CDH12: variants seen among roughly 807,000 people sequenced by gnomAD.
CDH12 encodes the protein cadherin 12.
Under a neutral mutation model 74.1 loss-of-function variants are expected in CDH12, and 41 were observed. The observed-to-expected ratio is 0.55, with a 90% CI of 0.43 to 0.72. The LOEUF (loss-of-function observed/expected upper bound fraction) is 0.72. Among genes scored for constraint, CDH12 ranks in the 30% least tolerant of loss-of-function variants. The pLI, the probability that CDH12 is intolerant of heterozygous loss-of-function variation, is 0.00. For missense variants in CDH12, 945 were observed against 977.2 expected, an observed-to-expected ratio of 0.97 and a Z score of 0.44; for synonymous variants, 399 against 355.0, an observed-to-expected ratio of 1.12 and a Z score of -1.39.
intron 3 of CDH12, among the ~76,000 whole-genome samples, chr5:22,390,771 A>G (rs1197989669): frequency 6.6e-6 from 1 of 152,208 alleles, no homozygotes; most frequent in African/African-American, 2.4e-5. Flanking sequence ...AACTTGCATG[A>G]AAAACATCAC....
At position 22,493,287 on chromosome 5, in the gene CDH12, A is replaced by C. The variant is rs558167781; in HGVS notation, c.-428+11983T>G. Among the ~76,000 whole-genome samples the C allele has an allele frequency of 2.0e-5, 3 of 152,294 alleles. No homozygotes were observed. The South Asian group carries it at 6.2e-4, about 32-fold the overall frequency. On this transcript the variant is annotated intron_variant, in intron 2 of 14. Transcript: ENST00000382254. The stretch of plus-strand genomic sequence containing the variant: ...TATTAGTCCTTAATCATATCTTATA[A>C]ATTAATAATTCATTTGTTGATTTTC...
At chr5:22,558,051 G>A (rs1580763371) in intron 1 of CDH12, among the ~76,000 whole-genome samples, 1 of 152,014 alleles carries the variant, frequency 6.6e-6, no homozygotes. Context: ...ATCATGGGGA[G>A]AATAAAGAAG....
chr5:21,796,721 G>A (rs1365509992), intron 10 of CDH12, among the ~76,000 whole-genome samples: 1 of 151,580 alleles, frequency 6.6e-6, no homozygotes, highest in Non-Finnish European at 1.5e-5. Context: ...TATACGTTTG[G>A]AACAAAAGAA....
chr5:22,607,723 T>C (rs1249994509), intron 1 of CDH12, among the ~76,000 whole-genome samples: 1 of 152,110 alleles, frequency 6.6e-6, no homozygotes, highest in Non-Finnish European at 1.5e-5. Flanking sequence ...CAGGACCTTC[T>C]GCTGTGTGCA....
At chr5:22,212,850 G>T (rs1344661439) in intron 3 of CDH12, 2 of 152,470 alleles carry the variant, frequency 1.3e-5, no homozygotes, top group East Asian at 1.9e-4. Context: ...CACGCCGAGG[G>T]TTGGTGGGTC....
At chr5:22,292,568 C>T (rs1216317912) in intron 3 of CDH12, among the ~76,000 whole-genome samples, 1 of 151,692 alleles carries the variant, frequency 6.6e-6, no homozygotes, top group Non-Finnish European at 1.5e-5. Flanking sequence ...AACAAACAAA[C>T]AAAACAAATT....
intron 3 of CDH12, among the ~76,000 whole-genome samples, chr5:22,224,626 C>T (rs1458874161): frequency 6.6e-6 from 1 of 152,002 alleles, no homozygotes; most frequent in African/African-American, 2.4e-5. Flanking sequence ...CTTTGTGAGT[C>T]ATATAAAAAC....
At chr5:22,236,637 C>G (rs911527042) in intron 3 of CDH12, among the ~76,000 whole-genome samples, 1 of 152,096 alleles carries the variant, frequency 6.6e-6, no homozygotes, top group Non-Finnish European at 1.5e-5. Context: ...TTCCCAACTA[C>G]TTGGGAGGCT....
chr5:22,007,199 A>T (rs1242085761), intron 5 of CDH12, among the ~76,000 whole-genome samples: 2 of 152,192 alleles, frequency 1.3e-5, no homozygotes, highest in Non-Finnish European at 2.9e-5. Flanking sequence ...TCCTGGACTT[A>T]TCTTCTCGTG....
chr5:22,526,926 C>A (rs949099059), intron 1 of CDH12, among the ~76,000 whole-genome samples: 1 of 152,102 alleles, frequency 6.6e-6, no homozygotes, highest in Admixed American at 6.6e-5. Context: ...CATTTCCCAC[C>A]TGGGGAAATT....
intron 1 of CDH12, among the ~76,000 whole-genome samples, chr5:22,540,572 T>G (rs1212734436): frequency 6.6e-6 from 1 of 152,188 alleles, no homozygotes; most frequent in Non-Finnish European, 1.5e-5. Flanking sequence ...ATTCCAAGAC[T>G]ATATTACTTT....
intron 3 of CDH12, among the ~76,000 whole-genome samples, chr5:22,375,302 A>G (rs1320650832): frequency 6.6e-6 from 1 of 152,156 alleles, no homozygotes; most frequent in Non-Finnish European, 1.5e-5. Context: ...TTCAATATAT[A>G]TTGAAGACTT....
intron 3 of CDH12, among the ~76,000 whole-genome samples, chr5:22,355,186 C>T (rs143882373): frequency 1.3e-5 from 2 of 152,096 alleles, no homozygotes; most frequent in African/African-American, 4.8e-5. Context: ...CATTACTAAA[C>T]AAATTTGCTC....
chr5:22,052,969 T>C (rs1219756366), intron 5 of CDH12, among the ~76,000 whole-genome samples: 1 of 152,098 alleles, frequency 6.6e-6, no homozygotes, highest in Non-Finnish European at 1.5e-5. Flanking sequence ...AACTACATTT[T>C]AAAAGAGATG....
intron 1 of CDH12, among the ~76,000 whole-genome samples, chr5:22,730,211 C>A (rs1313792845): frequency 6.6e-6 from 1 of 151,506 alleles, no homozygotes; most frequent in Admixed American, 6.6e-5. Flanking sequence ...ACAACAAAAA[C>A]CCAGCAATGA....
intron 1 of CDH12, among the ~76,000 whole-genome samples, chr5:22,586,041 G>A (rs980147178): frequency 6.6e-6 from 1 of 152,084 alleles, no homozygotes; most frequent in Non-Finnish European, 1.5e-5. Flanking sequence ...ACATGCACAC[G>A]TATGTTTATT....
intron 3 of CDH12, among the ~76,000 whole-genome samples, chr5:22,352,712 G>A (rs1254395320): frequency 3.9e-5 from 6 of 152,182 alleles, no homozygotes; most frequent in Admixed American, 3.3e-4. Flanking sequence ...TAGAAACACT[G>A]GAGGTGGAGC....
intron 1 of CDH12, among the ~76,000 whole-genome samples, chr5:22,678,050 G>GC (rs1554058355): frequency 6.6e-6 from 1 of 151,308 alleles, no homozygotes; most frequent in Non-Finnish European, 1.5e-5. Context: ...CTCATGGGGG[G>GC]GGGGGTTAGG....
intron 11 of CDH12, among the ~76,000 whole-genome samples, chr5:21,775,228 G>T (rs748859180): frequency 2.0e-5 from 3 of 152,282 alleles, no homozygotes; most frequent in Non-Finnish European, 1.5e-5. Flanking sequence ...ACACCACAAA[G>T]AATCCACACC....
Sources: gnomAD v4.1 joint callset for allele counts (sites outside exome capture counted in the v4.1 genomes callset) on GRCh38, gnomAD v4.1.1 for gene constraint, MANE v1.5 for transcripts, NCBI Gene and HGNC (gene_info 2026-07-23, HGNC 2026-07-21) for gene names.